Variants in HDGFL2 observed in about 807,000 individuals in gnomAD.
HDGFL2 encodes the protein HDGF like 2.
In HDGFL2, 36 loss-of-function variants were observed where a neutral mutation model predicts 77.1. The observed-to-expected ratio is 0.47, with a 90% CI of 0.36 to 0.62. The LOEUF (loss-of-function observed/expected upper bound fraction) is 0.62, where lower values mean the gene tolerates loss of function less well. Ranked by LOEUF, HDGFL2 falls within the 20% of genes least tolerant of loss-of-function variation. HDGFL2 has a pLI of 0.00. For synonymous variants in HDGFL2, 463 were observed against 413.1 expected, an observed-to-expected ratio of 1.12 and a Z score of -1.46; for missense variants, 976 against 973.4, an observed-to-expected ratio of 1.00 and a Z score of -0.04.
At chr19:4,486,627 C>G (rs750594059) in intron 3 of HDGFL2, among the ~76,000 whole-genome samples, 12 of 151,972 alleles carry the variant, frequency 7.9e-5, no homozygotes, top group Non-Finnish European at 1.6e-4. Flanking sequence ...ATCACGAGGT[C>G]AAGAGATTGA....
In HDGFL2 at chr19:4,502,088, A is replaced by C; in HGVS notation, c.*78A>C. ...TCCCCGGCTCGCAGGAGAGCAGAGC[A>C]GAGAACTGTGGGGAACGCTGTGCTG... On this transcript the variant is annotated 3_prime_UTR_variant, in exon 16 of 16. Transcript: ENST00000616600. 1 of 1,033,720 alleles carries C rather than the reference A, an allele frequency of 9.7e-7. No homozygotes were observed. The highest frequency in any genetic ancestry group is 2.0e-4 in the Middle Eastern group (1 of 5,072). The allele number at this position is 1,033,720 out of a possible 1,614,324, so 64.0% of individuals were successfully genotyped here. A position where few individuals can be genotyped will look rare whatever the true frequency, so the allele number is the denominator to read the frequency against.
At chr19:4,500,149 G>A (rs556584965) in intron 14 of HDGFL2, among the ~76,000 whole-genome samples, 99 of 152,362 alleles carry the variant, frequency 6.5e-4, no homozygotes, top group Middle Eastern at 3.4e-3. Flanking sequence ...GTGACCCTCG[G>A]GGCTGCTGGC....
chr19:4,494,422 C>G lies in HDGFL2; in HGVS notation c.1171C>G (p.Arg391Gly). 1.4e-6 allele frequency: 2 copies of G among 1,403,986 alleles called. No individual in the cohort carries two copies. Among genetic ancestry groups the G allele is most frequent in the Non-Finnish European group, 1.8e-6 (2 of 1,083,914 alleles). The allele number at this position is 1,403,986 out of a possible 1,614,324, so 87.0% of individuals were successfully genotyped here. ...GAAGCGGGGACGCAAGGGCCGGGGC[C>G]GGGGTCCCCCGTCCTCCTCTGACTC... Reference protein sequence around the residue: ...VKKRGRKGRGRGPPSSSDSEP... With the variant: ...VKKRGRKGRGGGPPSSSDSEP... The change falls in exon 9 of 16, where the codon CGG (arginine) becomes GGG (glycine). Residue 391 changes from arginine (R) to glycine (G), a missense_variant. Physicochemically the swap from Arg to Gly is moderately radical, Grantham distance 125 (BLOSUM62 -2). This residue lies in a region of HDGFL2 where 567 missense variants were observed against 534.7 expected (regional missense o/e 1.06). Coordinates refer to ENST00000616600, the MANE Select transcript of HDGFL2 (RefSeq NM_001001520.3).
At position 4,501,843 on chromosome 19, in the gene HDGFL2, C is replaced by T. The variant is rs895713868; in HGVS notation, c.1917-68C>T. On this transcript the variant is annotated intron_variant, in intron 15 of 15. Transcript: ENST00000616600. Reference sequence around the variant, plus strand: ...GGTACACTCCTCGGTGCCCATCCCACCCAACCGCCCTACAGGCAGGGCAGG... The same window carrying T: ...GGTACACTCCTCGGTGCCCATCCCATCCAACCGCCCTACAGGCAGGGCAGG... The T allele has an allele frequency of 1.4e-5, 17 of 1,253,038 alleles. No homozygotes were observed. The South Asian group carries it at 3.0e-4, about 22-fold the overall frequency. The allele number at this position is 1,253,038 out of a possible 1,614,324, so 77.6% of individuals were successfully genotyped here.
At chr19:4,492,718 TGTG>T (rs1197618759) in intron 6 of HDGFL2, among the ~76,000 whole-genome samples, 1 of 146,760 alleles carries the variant, frequency 6.8e-6, no homozygotes, top group Admixed American at 6.8e-5. Flanking sequence ...GTGTGTGGTG[TGTG>T]GTGTGTGTGG....
intron 3 of HDGFL2, among the ~76,000 whole-genome samples, chr19:4,476,189 C>CTTTTT (rs34154932): frequency 1.2e-5 from 1 of 83,966 alleles, no homozygotes; most frequent in Non-Finnish European, 2.3e-5. Flanking sequence ...TGTGCCCAGC[C>CTTTTT]TTTTTTTTTT....
intron 14 of HDGFL2, among the ~76,000 whole-genome samples, chr19:4,500,973 C>T (rs1056691266): frequency 2.0e-5 from 3 of 152,188 alleles, no homozygotes; most frequent in Non-Finnish European, 4.4e-5. Context: ...TTTCTTGGGC[C>T]CCCAGTTCTG....
chr19:4,488,783 C>T lies in HDGFL2; in HGVS notation c.396C>T (p.Thr132=), dbSNP rs753459625. The change falls in exon 4 of 16, where the codon ACC becomes ACT. Residue 132 remains threonine, a synonymous_variant. Transcript: ENST00000616600. ...DRGVMAVTAV[T]ATAASDRMES... ...GGGTCATGGCCGTCACAGCGGTAAC[C>T]GCCACAGCTGCCAGCGACAGGATGG... is the stretch of plus-strand genomic sequence containing the variant. The T allele has an allele frequency of 9.0e-5, 140 of 1,552,062 alleles. No individual in the cohort carries two copies. The highest frequency in any genetic ancestry group is 4.6e-4 in the South Asian group (39 of 84,130).
intron 12 of HDGFL2, 29 bp downstream of exon 12, chr19:4,498,405 C>G (rs758527574): frequency 1.3e-6 from 2 of 1,563,706 alleles, no homozygotes; most frequent in South Asian, 1.1e-5. Context: ...GTGAGCCAAG[C>G]AGTCCCCGCT....
At chr19:4,484,301 C>G (rs1225465247) in intron 3 of HDGFL2, among the ~76,000 whole-genome samples, 1 of 151,360 alleles carries the variant, frequency 6.6e-6, no homozygotes, top group African/African-American at 2.4e-5. Context: ...CCAGGCTGGT[C>G]TCGAACTCCT....
intron 3 of HDGFL2, among the ~76,000 whole-genome samples, chr19:4,480,481 G>T: frequency 6.6e-6 from 1 of 152,208 alleles, no homozygotes; most frequent in East Asian, 1.9e-4. Context: ...CACTTTGGGA[G>T]GCCGAGGCAG....
intron 12 of HDGFL2, 25 bp from the exon 13 acceptor site, chr19:4,498,789 C>G (rs751578015): frequency 1.7e-5 from 26 of 1,546,950 alleles, no homozygotes; most frequent in Non-Finnish European, 2.3e-5. Context: ...CAGGCCGTCT[C>G]CCTCACTCCC....
rs375598748 is a variant in HDGFL2, at chr19:4,501,929, C to G, written c.1935C>G (p.Pro645=). The change falls in exon 16 of 16, where the codon CCC becomes CCG. Residue 645 remains proline, a synonymous_variant. Transcript: ENST00000616600. The part of the protein sequence containing the change: ...EDLHDSVREG[P]DLDRPGSDRQ... ...CCACCAGCAGCGTACGGGAGGGTCC[C>G]GACCTGGACAGGCCTGGGAGCGACC... The G allele has an allele frequency of 2.0e-6, 3 of 1,480,546 alleles. No homozygotes were observed. Among genetic ancestry groups the G allele is most frequent in the East Asian group, 2.5e-5 (1 of 39,812 alleles). 91.7% of individuals were successfully genotyped at this position (1,480,546 alleles called of 1,614,324 possible).
intron 9 of HDGFL2, 144 bp downstream of exon 9, chr19:4,494,619 A>G (rs1975653149): frequency 2.1e-5 from 12 of 582,264 alleles, no homozygotes; most frequent in Non-Finnish European, 1.0e-5. Context: ...GGAGGAGGGG[A>G]CATTCATGGG....
chr19:4,476,560 T>C (rs1274787992), intron 3 of HDGFL2, among the ~76,000 whole-genome samples: 1 of 151,264 alleles, frequency 6.6e-6, no homozygotes. Context: ...GGAAAAGACG[T>C]TTTTTTCTTT....
rs1389030162 is a variant in HDGFL2 at position 4,478,874 on chromosome 19, C to T, written c.288+3291C>T. Among the ~76,000 whole-genome samples the T allele has an allele frequency of 2.0e-5, 3 of 151,590 alleles. No individual in the cohort carries two copies. In the East Asian group the frequency reaches 6.0e-4, roughly 30 times the overall value. On this transcript the variant is annotated intron_variant, in intron 3 of 15. Transcript: ENST00000616600. ...TAATTTTTTGTATTTTTAGTAGAGA[C>T]GGGTTTCACCATATTGACCAGGCTG...
At chr19:4,491,384 TTC>T (rs1975508044) in intron 4 of HDGFL2, among the ~76,000 whole-genome samples, 180 bp from the exon 5 acceptor site, 2 of 151,008 alleles carry the variant, frequency 1.3e-5, no homozygotes, top group African/African-American at 4.9e-5. Flanking sequence ...ACTGGCTTCT[TTC>T]ACCAAGCATA....
chr19:4,500,962 A>G (rs1975857393), intron 14 of HDGFL2, among the ~76,000 whole-genome samples: 1 of 151,844 alleles, frequency 6.6e-6, no homozygotes, highest in Non-Finnish European at 1.5e-5. Flanking sequence ...ACGTTCCCTC[A>G]TTTCTTGGGC....
intron 3 of HDGFL2, among the ~76,000 whole-genome samples, chr19:4,481,955 C>T (rs1255357811): frequency 2.0e-5 from 3 of 151,426 alleles, no homozygotes; most frequent in Non-Finnish European, 4.4e-5. Flanking sequence ...CCTGATCCTC[C>T]AAGACAGCTA....
Sources: gnomAD v4.1 joint callset for allele counts (sites outside exome capture counted in the v4.1 genomes callset) on GRCh38, gnomAD v4.1.1 for gene constraint, gnomAD v4.1.1 regional missense constraint, MANE v1.5 for transcripts, NCBI Gene and HGNC (gene_info 2026-07-23, HGNC 2026-07-21) for gene names.